KLRF1: variants seen among roughly 807,000 people sequenced by gnomAD.
KLRF1 encodes the protein killer cell lectin like receptor F1.
A neutral mutation model predicts 30.7 loss-of-function variants in KLRF1; 27 were observed. The ratio of observed to expected loss-of-function variants is 0.88; its 90% CI spans 0.65 to 1.21. The LOEUF is 1.21. KLRF1 is among the 50% of genes most tolerant of loss of function. KLRF1 has a pLI of 0.00. For missense variants in KLRF1, 246 were observed against 259.3 expected, an observed-to-expected ratio of 0.95 and a Z score of 0.35; for synonymous variants, 92 against 89.3, an observed-to-expected ratio of 1.03 and a Z score of -0.17.
chr12:9,824,407 A>G (rs1344522649), upstream of KLRF1, among the ~76,000 whole-genome samples: 2 of 152,204 alleles, frequency 1.3e-5, no homozygotes, highest in East Asian at 1.9e-4. Context: ...AGAGGTTTCA[A>G]TAAAACCAAC....
chr12:9,805,494 T>TCAA, the KLRF1 span, among the ~76,000 whole-genome samples: 1 of 152,064 alleles, frequency 6.6e-6, no homozygotes, highest in Admixed American at 6.6e-5. Flanking sequence ...ACTATTGCGT[T>TCAA]GATGATTATA....
At chr12:9,837,991 C>T (rs146378870) in intron 3 of KLRF1, among the ~76,000 whole-genome samples, 3 of 152,260 alleles carry the variant, frequency 2.0e-5, no homozygotes, top group East Asian at 1.9e-4. Context: ...GAGTTTATAT[C>T]GGACCCCAAA....
intron 2 of KLRF1, 93 bp from the exon 3 acceptor site, chr12:9,833,210 G>A: frequency 1.2e-6 from 1 of 843,994 alleles, no homozygotes; most frequent in Non-Finnish European, 1.7e-6. Context: ...ATTATTTCTT[G>A]TTCCAATCAT....
chr12:9,833,301 A>T lies in KLRF1; in HGVS notation c.185-2A>T, dbSNP rs774836411. ...TAACCTTAAAATAGTCCTGTATTCA[A>T]GTTTCTCAGGGAGTATTGCTAAAAT... On this transcript the variant is annotated splice_acceptor_variant, in intron 2 of 5. Coordinates refer to ENST00000617889, the MANE Select transcript of KLRF1 (RefSeq NM_016523.3). LOFTEE classifies it high-confidence loss of function. 1.3e-6 allele frequency: 2 copies of T among 1,588,202 alleles called. No individual in the cohort carries two copies. Among genetic ancestry groups the T allele is most frequent in the Non-Finnish European group, 1.7e-6 (2 of 1,168,740 alleles).
chr12:9,842,841 G>A (rs1867735610), intron 5 of KLRF1, among the ~76,000 whole-genome samples: 1 of 152,050 alleles, frequency 6.6e-6, no homozygotes, highest in Admixed American at 6.6e-5. Flanking sequence ...CTGAACAAAT[G>A]CATGGAATTA....
chr12:9,835,071 T>G (rs1353284089), intron 3 of KLRF1, among the ~76,000 whole-genome samples: 4 of 152,126 alleles, frequency 2.6e-5, no homozygotes, highest in Non-Finnish European at 5.9e-5. Context: ...CAGAAAGTCC[T>G]AAACCAACAA....
In KLRF1 at chr12:9,841,928, A is replaced by G. The variant is rs1867712057; in HGVS notation, c.451A>G (p.Ile151Val). 6.2e-7 allele frequency: 1 copy of G among 1,612,064 alleles called. No homozygotes were observed. The highest frequency in any genetic ancestry group is 1.1e-5 in the South Asian group (1 of 90,956). Residue 151 changes from isoleucine (I) to valine (V), a missense_variant, in exon 4 of 6, where the codon ATC becomes GTC. Ile to Val is a conservative substitution (Grantham distance 29). Transcript: ENST00000617889. ...YCLERKSHLLIIHDQLEMAFI... is the reference protein window; with the variant it reads ...YCLERKSHLLVIHDQLEMAFI... ...TTTGGAAAGAAAATCTCATCTACTA[A>G]TCATACATGACCAACTTGAAATGGT...
the KLRF1 span, among the ~76,000 whole-genome samples, chr12:9,817,168 G>A: frequency 1.9e-3 from 294 of 152,236 alleles, no homozygotes; most frequent in Middle Eastern, 3.4e-3. Flanking sequence ...CCCTTGTTAA[G>A]GTCAATCATG....
At chr12:9,815,464 A>AT in the KLRF1 span, among the ~76,000 whole-genome samples, 3 of 152,180 alleles carry the variant, frequency 2.0e-5, no homozygotes, top group African/African-American at 4.8e-5. Context: ...ACTTCTGTGG[A>AT]TTTTTTGTGT....
the KLRF1 span, among the ~76,000 whole-genome samples, chr12:9,804,877 T>C: frequency 2.6e-5 from 4 of 151,980 alleles, no homozygotes; most frequent in African/African-American, 9.7e-5. Flanking sequence ...GGGAAGATCA[T>C]ATTGTTTTGA....
chr12:9,832,251 A>G lies in KLRF1; in HGVS notation c.86-65A>G, dbSNP rs2232546. ...TATTTTATACAATCCTATTATTACA[A>G]TTGCTATTGTATTACTTCCTGGAAG... On this transcript the variant is annotated intron_variant, in intron 1 of 5. Coordinates refer to ENST00000617889, the MANE Select transcript of KLRF1 (RefSeq NM_016523.3). 1.1e-5 allele frequency: 9 copies of G among 850,664 alleles called. No individual in the cohort carries two copies. The East Asian group carries it at 1.5e-4, about 14-fold the overall frequency. The allele number at this position is 850,664 out of a possible 1,614,324, so 52.7% of individuals were successfully genotyped here.
chr12:9,843,658 A>G (rs1477084310), intron 5 of KLRF1, among the ~76,000 whole-genome samples: 1 of 152,158 alleles, frequency 6.6e-6, no homozygotes, highest in Non-Finnish European at 1.5e-5. Context: ...ACTACCCGTT[A>G]GGGTTGAGTT....
upstream of KLRF1, among the ~76,000 whole-genome samples, chr12:9,823,231 A>AC (rs1365442688): frequency 6.6e-6 from 1 of 151,224 alleles, no homozygotes; most frequent in Non-Finnish European, 1.5e-5. Context: ...ATGCAAAAAA[A>AC]AAAAACAAAA....
chr12:9,823,419 C>T (rs989422017), upstream of KLRF1, among the ~76,000 whole-genome samples: 4 of 152,020 alleles, frequency 2.6e-5, no homozygotes, highest in South Asian at 4.1e-4. Flanking sequence ...AGGCAGACAT[C>T]GAAACATTCT....
the KLRF1 span, among the ~76,000 whole-genome samples, chr12:9,812,688 T>G: frequency 6.6e-6 from 1 of 152,176 alleles, no homozygotes; most frequent in Non-Finnish European, 1.5e-5. Context: ...CCACAGGGAG[T>G]CTGTTTCATG....
At chr12:9,826,259 T>A (rs1470191220), upstream of KLRF1, among the ~76,000 whole-genome samples, 1 of 152,110 alleles carries the variant, frequency 6.6e-6, no homozygotes, top group East Asian at 1.9e-4. Flanking sequence ...TCCTGATCCT[T>A]TCCCTCTTCC....
At chr12:9,834,158 C>T (rs1210054326) in intron 3 of KLRF1, among the ~76,000 whole-genome samples, 3 of 151,126 alleles carry the variant, frequency 2.0e-5, no homozygotes, top group Non-Finnish European at 4.4e-5. Flanking sequence ...AAGGTAATGC[C>T]ATCAGTTAAG....
the KLRF1 span, among the ~76,000 whole-genome samples, chr12:9,816,621 T>A: frequency 6.6e-6 from 1 of 152,036 alleles, no homozygotes; most frequent in African/African-American, 2.4e-5. Context: ...TTCAGTGTCA[T>A]CAGCAATGAA....
the KLRF1 span, among the ~76,000 whole-genome samples, chr12:9,800,583 C>T: frequency 6.6e-6 from 1 of 151,894 alleles, no homozygotes; most frequent in Non-Finnish European, 1.5e-5. Flanking sequence ...TCTGTAATAG[C>T]ATGTTTTAAT....
Sources: gnomAD v4.1 joint callset for allele counts (sites outside exome capture counted in the v4.1 genomes callset) on GRCh38, gnomAD v4.1.1 for gene constraint, MANE v1.5 for transcripts, NCBI Gene and HGNC (gene_info 2026-07-23, HGNC 2026-07-21) for gene names.